The following RTKN2 variants were observed in gnomAD, a reference collection of about 807,000 sequenced individuals.
RTKN2 encodes rhotekin 2, also known as rhotekin-2.
Under a neutral mutation model 71.5 loss-of-function variants are expected in RTKN2, and 69 were observed. That is an observed-to-expected ratio of 0.96 (90% CI 0.79 to 1.18). The LOEUF (loss-of-function observed/expected upper bound fraction) is 1.18, where lower values mean the gene tolerates loss of function less well. Among genes scored for constraint, RTKN2 ranks in the 50% most tolerant of loss-of-function variants. RTKN2 has a pLI of 0.00. For synonymous variants in RTKN2, 236 were observed against 236.5 expected, an observed-to-expected ratio of 1.00 and a Z score of 0.02; for missense variants, 724 against 719.7, an observed-to-expected ratio of 1.01 and a Z score of -0.07.
chr10:62,207,622 G>T (rs1186030808), intron 9 of RTKN2, among the ~76,000 whole-genome samples: 1 of 152,040 alleles, frequency 6.6e-6, no homozygotes, highest in East Asian at 1.9e-4. Context: ...GGGCTTATGT[G>T]TTTATATAAG....
chr10:62,185,652 C>T (rs552346874), intron 8 of RTKN2, among the ~76,000 whole-genome samples: 4 of 152,206 alleles, frequency 2.6e-5, no homozygotes, highest in Non-Finnish European at 5.9e-5. Context: ...AAGACATTGA[C>T]TCAGTTTCAA....
chr10:62,205,721 T>C (rs1841536558), intron 9 of RTKN2, among the ~76,000 whole-genome samples: 1 of 152,192 alleles, frequency 6.6e-6, no homozygotes, highest in African/African-American at 2.4e-5. Context: ...TTCTGAGTGA[T>C]ACTAGAATGC....
chr10:62,215,227 C>CATAT (rs1841744469), intron 9 of RTKN2: 2 of 500,334 alleles, frequency 4.0e-6, no homozygotes, highest in Non-Finnish European at 6.9e-6. Context: ...TAGACATAAT[C>CATAT]ATATACACAG....
chr10:62,261,203 T>C (rs1303278606), intron 2 of RTKN2, among the ~76,000 whole-genome samples: 1 of 152,230 alleles, frequency 6.6e-6, no homozygotes, highest in East Asian at 1.9e-4. Context: ...GCTGGAGGCA[T>C]ATAAGAATGA....
At position 62,244,698 on chromosome 10, in the gene RTKN2, T is replaced by C. The variant is rs115909986; in HGVS notation, c.316+1301A>G. ...ATACCACATAAAAATACATGTTTGA[T>C]AGCAAAAGAATACAAGGATAAAACA... On this transcript the variant is annotated intron_variant, in intron 3 of 11. Transcript: ENST00000373789. 7.6e-3 allele frequency among the ~76,000 whole-genome samples: 1,165 copies of C among 152,290 alleles called. 12 individuals carry two copies. The highest frequency in any genetic ancestry group is 0.027 in the African/African-American group (1,119 of 41,568).
intron 9 of RTKN2, among the ~76,000 whole-genome samples, chr10:62,216,258 T>A (rs1349023790): frequency 6.6e-6 from 1 of 151,994 alleles, no homozygotes; most frequent in Non-Finnish European, 1.5e-5. Context: ...GGAGAACAAA[T>A]GTGATGGCTC....
chr10:62,202,440 G>T (rs1841463248), intron 10 of RTKN2, among the ~76,000 whole-genome samples: 1 of 152,070 alleles, frequency 6.6e-6, no homozygotes, highest in Admixed American at 6.5e-5. Flanking sequence ...ATCACAAGAG[G>T]TTGCACCTGT....
chr10:62,261,193 G>A (rs1364678977), intron 2 of RTKN2, among the ~76,000 whole-genome samples: 2 of 152,200 alleles, frequency 1.3e-5, no homozygotes, highest in Non-Finnish European at 2.9e-5. Context: ...ATTGTATAAT[G>A]CTGGAGGCAT....
intron 2 of RTKN2, among the ~76,000 whole-genome samples, chr10:62,254,937 C>G (rs1842646953): frequency 6.6e-6 from 1 of 151,908 alleles, no homozygotes; most frequent in Non-Finnish European, 1.5e-5. Flanking sequence ...TCACTGCACT[C>G]TAGCCTGGGA....
At position 62,196,432 on chromosome 10, in the gene RTKN2, T is replaced by C; in HGVS notation, c.*1476A>G. ...TACTCCCTCAAGATTCAATTCTTAC[T>C]AGGAGTCCTGGGCAAACACAAAAGT... is the stretch of plus-strand genomic sequence containing the variant. On this transcript the variant is annotated 3_prime_UTR_variant, in exon 12 of 12. Coordinates refer to ENST00000373789, the MANE Select transcript of RTKN2 (RefSeq NM_145307.4). 2.0e-6 allele frequency: 2 copies of C among 985,422 alleles called. No individual in the cohort carries two copies. Among genetic ancestry groups the C allele is most frequent in the Non-Finnish European group, 2.4e-6 (2 of 829,890 alleles). The allele number at this position is 985,422 out of a possible 1,614,324, so 61.0% of individuals were successfully genotyped here.
rs1022967648 is a variant in RTKN2 at position 62,195,695 on chromosome 10, C to T, written c.*2213G>A. The stretch of plus-strand genomic sequence containing the variant: ...GGAAACCAACTCTGTATTATAACTA[C>T]ACTCCTTAGGTAAGGGGTAAATTAG... On this transcript the variant is annotated 3_prime_UTR_variant, in exon 12 of 12. Transcript: ENST00000373789. 2.0e-6 allele frequency: 2 copies of T among 983,538 alleles called. No individual in the cohort carries two copies. Among genetic ancestry groups the T allele is most frequent in the Non-Finnish European group, 2.4e-6 (2 of 828,544 alleles). 60.9% of individuals were successfully genotyped at this position (983,538 alleles called of 1,614,324 possible). A position where few individuals can be genotyped will look rare whatever the true frequency, so the allele number is the denominator to read the frequency against.
chr10:62,231,679 G>A (rs1842151462), intron 6 of RTKN2, among the ~76,000 whole-genome samples: 1 of 151,548 alleles, frequency 6.6e-6, no homozygotes, highest in South Asian at 2.1e-4. Context: ...TTGGAGGAAG[G>A]GGAATGTTAT....
In RTKN2 at chr10:62,246,026, C is replaced by T. The variant is rs774441885; in HGVS notation, c.289G>A (p.Ala97Thr). 1.3e-6 allele frequency: 2 copies of T among 1,595,742 alleles called. No individual in the cohort carries two copies. Among genetic ancestry groups the T allele is most frequent in the South Asian group, 1.1e-5 (1 of 87,858 alleles). Residue 97 changes from alanine to threonine, a missense_variant, in exon 3 of 12, where the codon GCA (alanine) becomes ACA (threonine). Ala to Thr is a moderately conservative substitution (Grantham distance 58). Coordinates refer to ENST00000373789, the MANE Select transcript of RTKN2 (RefSeq NM_145307.4). ...GATATGGCAATCTTTCCTTTACATG[C>T]TGTTCGTTCTTTACTTTCAAATTTC... ...DVKFESKERT[A>T]CKGKIAISDI... is the part of the protein sequence containing the mutation.
chr10:62,196,968 A>AATACCACT lies in RTKN2; in HGVS notation c.*932_*939dup. The AATACCACT allele has an allele frequency of 2.1e-6, 2 of 974,938 alleles. No homozygotes were observed. Among genetic ancestry groups the AATACCACT allele is most frequent in the Non-Finnish European group, 2.4e-6 (2 of 820,594 alleles). The allele number at this position is 974,938 out of a possible 1,614,324, so 60.4% of individuals were successfully genotyped here. On this transcript the variant is annotated 3_prime_UTR_variant, in exon 12 of 12. Coordinates refer to ENST00000373789, the MANE Select transcript of RTKN2 (RefSeq NM_145307.4). ...TGTAAGAATATGACATTTAATGAAA[A>AATACCACT]ATACCACTAGCAGACATCAACTCTT...
At chr10:62,255,050 T>C (rs1210820406) in intron 2 of RTKN2, among the ~76,000 whole-genome samples, 2 of 152,082 alleles carry the variant, frequency 1.3e-5, no homozygotes, top group Non-Finnish European at 2.9e-5. Flanking sequence ...ACCTTAGTGG[T>C]AGGTATATGG....
At chr10:62,204,743 C>G in intron 10 of RTKN2, 114 bp downstream of exon 10, 2 of 688,902 alleles carry the variant, frequency 2.9e-6, no homozygotes, top group Non-Finnish European at 4.5e-6. Flanking sequence ...ACCATTCTTT[C>G]AAGAACATAA....
At chr10:62,192,425 A>T (rs1288269557), downstream of RTKN2, among the ~76,000 whole-genome samples, 1 of 152,110 alleles carries the variant, frequency 6.6e-6, no homozygotes, top group Non-Finnish European at 1.5e-5. Flanking sequence ...CTAAAATAGC[A>T]CTCCAGTGGC....
In RTKN2 at chr10:62,268,597, C is replaced by A; in HGVS notation, c.14G>T (p.Ser5Ile). ...CAGGCGGAGCGCAGGACCCCTCAGG[C>A]TCGGCCCCTCCATCTCCAACGCGAA... is the stretch of plus-strand genomic sequence containing the variant. MEGP[S>I]LRGPALRLAG... Residue 5 changes from serine to isoleucine, a missense_variant, in exon 1 of 12, where the codon AGC becomes ATC. By Grantham distance (142) the Ser-to-Ile change is moderately radical. Transcript: ENST00000373789. 1 of 1,564,550 alleles carries A rather than the reference C, an allele frequency of 6.4e-7. No homozygotes were observed. Among genetic ancestry groups the A allele is most frequent in the East Asian group, 2.4e-5 (1 of 42,492 alleles).
At chr10:62,246,171 T>G in intron 2 of RTKN2, 114 bp from the exon 3 acceptor site, 1 of 637,682 alleles carries the variant, frequency 1.6e-6, no homozygotes, top group South Asian at 2.1e-5. Context: ...TGAATAATAA[T>G]GACTTCCAGT....
Sources: allele counts gnomAD v4.1 joint callset (sites outside exome capture counted in the v4.1 genomes callset), GRCh38; gene constraint gnomAD v4.1.1; transcripts MANE v1.5; gene names NCBI Gene and HGNC (gene_info 2026-07-23, HGNC 2026-07-21).